Variants in CEP63 observed in about 807,000 individuals in gnomAD.
CEP63 encodes the protein centrosomal protein of 63 kDa.
CEP63 carries 84 observed loss-of-function variants against 89.1 expected under a neutral mutation model. That is an observed-to-expected ratio of 0.94 (90% CI 0.79 to 1.13). The LOEUF (loss-of-function observed/expected upper bound fraction) is 1.13, where lower values mean the gene tolerates loss of function less well. Ranked by LOEUF, CEP63 falls within the 50% of genes most tolerant of loss-of-function variation. The probability of loss-of-function intolerance (pLI) is 0.00; values close to 1 mark genes in which losing one functional copy is unlikely to be tolerated. For synonymous variants in CEP63, 267 were observed against 272.5 expected (o/e 0.98, Z 0.20); for missense variants, 838 against 813.3 (o/e 1.03, Z -0.37).
the CEP63 span, among the ~76,000 whole-genome samples, chr3:134,755,989 C>T: frequency 1.3e-5 from 2 of 152,200 alleles, no homozygotes; most frequent in South Asian, 2.1e-4. Flanking sequence ...ACAAGGGAAG[C>T]TTTATTTAGT....
chr3:134,709,418 CTA>C, the CEP63 span, among the ~76,000 whole-genome samples: 944 of 134,770 alleles, frequency 7.0e-3, 10 homozygotes, highest in African/African-American at 0.023. Context: ...ATGACTGCTG[CTA>C]TATGATCAGT....
the CEP63 span, among the ~76,000 whole-genome samples, chr3:134,781,417 T>C: frequency 6.6e-6 from 1 of 152,226 alleles, no homozygotes; most frequent in African/African-American, 2.4e-5. Context: ...TGTTCCAAGA[T>C]ATATTAGAGT....
the CEP63 span, among the ~76,000 whole-genome samples, chr3:134,755,377 C>T: frequency 6.6e-6 from 1 of 152,220 alleles, no homozygotes; most frequent in Non-Finnish European, 1.5e-5. Context: ...AGGTGATCAG[C>T]ATCTCCGATC....
chr3:134,535,963 C>T (rs1950695038), intron 5 of CEP63: 1 of 152,198 alleles, frequency 6.6e-6, no homozygotes, highest in South Asian at 2.1e-4. Flanking sequence ...CTTGTCTTCT[C>T]CTACTTTCCC....
At chr3:134,758,016 G>T in the CEP63 span, among the ~76,000 whole-genome samples, 2 of 152,158 alleles carry the variant, frequency 1.3e-5, no homozygotes, top group East Asian at 1.9e-4. Context: ...GAATCTACTT[G>T]TTACCTCTCC....
the CEP63 span, among the ~76,000 whole-genome samples, chr3:134,685,385 C>T: frequency 6.6e-6 from 1 of 152,084 alleles, no homozygotes; most frequent in African/African-American, 2.4e-5. Context: ...GAAGCCTTCT[C>T]TCTGGGGATG....
At chr3:134,656,278 G>A in the CEP63 span, among the ~76,000 whole-genome samples, 301 of 152,314 alleles carry the variant, frequency 2.0e-3, 9 homozygotes, top group East Asian at 0.05. Context: ...GCCTGAGCAG[G>A]AAATAGGAGG....
At chr3:134,530,134 A>G (rs1949566596) in intron 3 of CEP63, among the ~76,000 whole-genome samples, 1 of 152,126 alleles carries the variant, frequency 6.6e-6, no homozygotes, top group Non-Finnish European at 1.5e-5. Flanking sequence ...CAGCCTCCCA[A>G]AGTGCTGGGA....
chr3:134,549,824 G>A (rs1405146735), intron 10 of CEP63, among the ~76,000 whole-genome samples: 1 of 152,130 alleles, frequency 6.6e-6, no homozygotes, highest in East Asian at 1.9e-4. Flanking sequence ...CTGGTCCTCA[G>A]CACTTGAATA....
At chr3:134,608,400 G>C in the CEP63 span, 1 of 1,458,760 alleles carries the variant, frequency 6.9e-7, no homozygotes, top group Admixed American at 2.1e-5. Context: ...ATCCCTTTCT[G>C]GGTTTATGCT....
chr3:134,564,331 C>T lies in CEP63; in HGVS notation c.*2796C>T. ...TTCAGTTTGTCTCCTCTTCCCACAC[C>T]CTGTCATGTGCTCCTAAAACTCCCC... On this transcript the variant is annotated 3_prime_UTR_variant, in exon 15 of 15. Coordinates refer to ENST00000675561, the MANE Select transcript of CEP63 (RefSeq NM_001353108.3). 1 of 985,354 alleles carries T rather than the reference C, an allele frequency of 1.0e-6. No homozygotes were observed. The highest frequency in any genetic ancestry group is 1.2e-6 in the Non-Finnish European group (1 of 829,936). 61.0% of individuals were successfully genotyped at this position (985,354 alleles called of 1,614,324 possible).
chr3:134,587,460 G>T (rs1474225657), exon 11 of CEP63, among the ~76,000 whole-genome samples: 4 of 152,180 alleles, frequency 2.6e-5, no homozygotes, highest in Non-Finnish European at 2.9e-5. Context: ...TCTCTCAGCT[G>T]CAGGTCTGTT....
intron 3 of CEP63, among the ~76,000 whole-genome samples, chr3:134,529,481 C>A (rs966653846): frequency 2.6e-5 from 4 of 151,480 alleles, no homozygotes; most frequent in Non-Finnish European, 5.9e-5. Flanking sequence ...GCTGGGATTA[C>A]AGGCACCTGC....
intron 7 of CEP63, 122 bp downstream of exon 7, chr3:134,545,941 C>T: frequency 1.2e-6 from 1 of 840,150 alleles, no homozygotes; most frequent in Non-Finnish European, 1.9e-6. Flanking sequence ...AATGATGGAT[C>T]AGATATTGAT....
chr3:134,676,699 T>C, the CEP63 span, among the ~76,000 whole-genome samples: 2 of 152,158 alleles, frequency 1.3e-5, no homozygotes, highest in Non-Finnish European at 2.9e-5. Context: ...CAGGATCCCA[T>C]GATATCACTT....
At chr3:134,750,442 C>G in the CEP63 span, among the ~76,000 whole-genome samples, 21 of 152,370 alleles carry the variant, frequency 1.4e-4, no homozygotes, top group Admixed American at 7.8e-4. Flanking sequence ...TCCTCCATCT[C>G]TCTCAGCAGC....
At chr3:134,503,100 C>CTTTTTTTTTTTTTTTTTTTTTTT (rs34673408) in intron 2 of CEP63, among the ~76,000 whole-genome samples, 85 of 92,010 alleles carry the variant, frequency 9.2e-4, no homozygotes, top group Middle Eastern at 8.9e-3. Flanking sequence ...TGATTTCAAT[C>CTTTTTTTTTTTTTTTTTTTTTTT]TTTTTTTTTT....
At chr3:134,702,386 CA>C in the CEP63 span, among the ~76,000 whole-genome samples, 573 of 130,724 alleles carry the variant, frequency 4.4e-3, 1 homozygote, top group Non-Finnish European at 6.3e-3. Context: ...TATGTGGAAC[CA>C]AAAAAAAAAA....
the CEP63 span, among the ~76,000 whole-genome samples, chr3:134,720,683 C>G: frequency 6.6e-6 from 1 of 152,092 alleles, no homozygotes; most frequent in African/African-American, 2.4e-5. Flanking sequence ...TCCAACTTCA[C>G]TCTTTTGCAT....
Sources: allele counts gnomAD v4.1 joint callset (sites outside exome capture counted in the v4.1 genomes callset), GRCh38; gene constraint gnomAD v4.1.1; transcripts MANE v1.5; gene names NCBI Gene and HGNC (gene_info 2026-07-23, HGNC 2026-07-21).